The following SPAG9 variants were observed in gnomAD, a reference collection of about 807,000 sequenced individuals.
SPAG9 encodes C-Jun-amino-terminal kinase-interacting protein 4.
Under a neutral mutation model 166.5 loss-of-function variants are expected in SPAG9, and 35 were observed. The observed-to-expected ratio is 0.21, with a 90% CI of 0.16 to 0.28. The LOEUF (loss-of-function observed/expected upper bound fraction) is 0.28, where lower values mean the gene tolerates loss of function less well. Among genes scored for constraint, SPAG9 ranks in the 10% least tolerant of loss-of-function variants. The probability of loss-of-function intolerance (pLI) is 1.00; values close to 1 mark genes in which losing one functional copy is unlikely to be tolerated. For missense variants in SPAG9, 1,235 were observed against 1,603.3 expected (o/e 0.77, Z 3.92); for synonymous variants, 534 against 565.5 (o/e 0.94, Z 0.79).
chr17:51,077,699 G>A (rs2048056445), intron 2 of SPAG9, among the ~76,000 whole-genome samples: 1 of 151,178 alleles, frequency 6.6e-6, no homozygotes, highest in Non-Finnish European at 1.5e-5. Flanking sequence ...TACCCAGCCT[G>A]GAGTGTAGTG....
intron 29 of SPAG9, among the ~76,000 whole-genome samples, chr17:50,966,654 C>T (rs1049827516): frequency 6.6e-6 from 1 of 152,138 alleles, no homozygotes. Context: ...AAAAAGCCAC[C>T]CCAACATGTC....
chr17:51,067,918 A>C (rs545917097), intron 2 of SPAG9, among the ~76,000 whole-genome samples: 2 of 152,244 alleles, frequency 1.3e-5, no homozygotes, highest in African/African-American at 2.4e-5. Flanking sequence ...TGCCGGCTCA[A>C]AATCAGAGCT....
chr17:51,007,162 G>A (rs542948720), intron 10 of SPAG9, 107 bp downstream of exon 10: 2 of 589,430 alleles, frequency 3.4e-6, no homozygotes, highest in Non-Finnish European at 5.9e-6. Flanking sequence ...TGGGGAACGA[G>A]ATGGGACAGG....
rs1283315276 is a variant in SPAG9 at position 50,966,241 on chromosome 17, G to A, written c.*31C>T. 1 of 1,285,882 alleles carries A rather than the reference G, an allele frequency of 7.8e-7. No individual in the cohort carries two copies. Among genetic ancestry groups the A allele is most frequent in the Admixed American group, 1.7e-5 (1 of 59,602 alleles). The allele number at this position is 1,285,882 out of a possible 1,614,324, so 79.7% of individuals were successfully genotyped here. A position where few individuals can be genotyped will look rare whatever the true frequency, so the allele number is the denominator to read the frequency against. On this transcript the variant is annotated 3_prime_UTR_variant, in exon 30 of 30. Transcript: ENST00000262013. ...GAAAATAAACCATGCAGAAGAGACG[G>A]CTTCCCCATCTCCACCTGTTTCCCA...
At chr17:50,974,739 A>T in intron 28 of SPAG9, 32 bp downstream of exon 28, 19 of 1,549,178 alleles carry the variant, frequency 1.2e-5, no homozygotes, top group Non-Finnish European at 1.7e-5. Context: ...AGACAATTAC[A>T]TGGAACATCT....
rs140651861 is a variant in SPAG9, at chr17:51,007,271, G to A, written c.1269C>T (p.Thr423=). 4.2e-5 allele frequency: 65 copies of A among 1,553,130 alleles called. No homozygotes were observed. The highest frequency in any genetic ancestry group is 5.4e-5 in the Non-Finnish European group (61 of 1,136,662). Residue 423 remains threonine (T), a splice_region_variant and synonymous_variant, in exon 10 of 30, where the codon ACC becomes ACT. Coordinates refer to ENST00000262013, the MANE Select transcript of SPAG9 (RefSeq NM_001130528.3). ...LILENTQLLE[T]KNALNIVKND... ...GTTAAAATTTCACATATACTTACTT[G>A]GTTTCCAACAGTTGTGTATTTTCTA...
At chr17:51,015,304 G>A (rs2045650932) in intron 8 of SPAG9, among the ~76,000 whole-genome samples, 1 of 152,070 alleles carries the variant, frequency 6.6e-6, no homozygotes. Flanking sequence ...GGGAGGGCAT[G>A]CAGGGAGGAA....
At chr17:50,981,443 T>C (rs1049244794) in intron 25 of SPAG9, among the ~76,000 whole-genome samples, 4 of 150,436 alleles carry the variant, frequency 2.7e-5, no homozygotes, top group African/African-American at 1.0e-4. Flanking sequence ...GACAGCCAGA[T>C]AGCTAGCTAA....
rs964769879 is a variant in SPAG9 at position 51,113,294 on chromosome 17, A to G, written c.303+7060T>C. Among the ~76,000 whole-genome samples the G allele has an allele frequency of 2.0e-5, 3 of 149,364 alleles. No individual in the cohort carries two copies. In the Admixed American group the frequency reaches 2.0e-4, roughly 10 times the overall value. On this transcript the variant is annotated intron_variant, in intron 1 of 29. Coordinates refer to ENST00000262013, the MANE Select transcript of SPAG9 (RefSeq NM_001130528.3). Reference sequence around the variant, plus strand: ...TTTGTATCTGGGAGGCGGAGGTTGCAGTGAGCTGAGATCGCACCATTGCGC... The same window carrying G: ...TTTGTATCTGGGAGGCGGAGGTTGCGGTGAGCTGAGATCGCACCATTGCGC...
chr17:51,014,357 T>C lies in SPAG9; in HGVS notation c.1092-4A>G, dbSNP rs1567999357. ...CTCTATGCCTTTGGTGGGAGTGCTA[T>C]GCAACAAGAACAACAAAACCAAATC... On this transcript the variant is annotated splice_region_variant and splice_polypyrimidine_tract_variant and intron_variant, in intron 8 of 29. Coordinates refer to ENST00000262013, the MANE Select transcript of SPAG9 (RefSeq NM_001130528.3). The C allele has an allele frequency of 1.2e-6, 2 of 1,606,058 alleles. No homozygotes were observed. Among genetic ancestry groups the C allele is most frequent in the African/African-American group, 1.3e-5 (1 of 74,634 alleles).
At chr17:51,114,675 AGT>A (rs1335496579) in intron 1 of SPAG9, among the ~76,000 whole-genome samples, 1 of 150,806 alleles carries the variant, frequency 6.6e-6, no homozygotes, top group Admixed American at 6.6e-5. Flanking sequence ...GTGTGGGCCA[AGT>A]GTGGTGGCTC....
At position 50,977,232 on chromosome 17, in the gene SPAG9, A is replaced by C; in HGVS notation, c.3410-11T>G. ...CCAGTTTTCCAGTACCTGTAAAGAA[A>C]GGAGGGAACACGTTATTGAGAAACT... On this transcript the variant is annotated splice_polypyrimidine_tract_variant and intron_variant, in intron 26 of 29. Transcript: ENST00000262013. 2.7e-6 allele frequency: 4 copies of C among 1,500,966 alleles called. No homozygotes were observed. Among genetic ancestry groups the C allele is most frequent in the East Asian group, 2.3e-5 (1 of 44,282 alleles). 93.0% of individuals were successfully genotyped at this position (1,500,966 alleles called of 1,614,324 possible). A position where few individuals can be genotyped will look rare whatever the true frequency, so the allele number is the denominator to read the frequency against.
chr17:51,000,561 C>A (rs1179865197), intron 13 of SPAG9, among the ~76,000 whole-genome samples: 1 of 151,988 alleles, frequency 6.6e-6, no homozygotes, highest in Non-Finnish European at 1.5e-5. Flanking sequence ...TGGTGAAACC[C>A]TGTCTCTACT....
Position 50,979,832 on chromosome 17 carries a change from A to G in SPAG9, c.3323T>C (p.Leu1108Ser). ...VGDGVWVSIR[L>S]DSTLRLYHAH... ...ATGATAGAGACGGAGCGTAGAATCC[A>G]AGCGAATGGAGACCCACACGCCATC... The change falls in exon 26 of 30, where the codon TTG becomes TCG. Residue 1108 changes from leucine to serine, a missense_variant. Coordinates refer to ENST00000262013, the MANE Select transcript of SPAG9 (RefSeq NM_001130528.3). 6.2e-7 allele frequency: 1 copy of G among 1,614,210 alleles called. No individual in the cohort carries two copies. The highest frequency in any genetic ancestry group is 8.5e-7 in the Non-Finnish European group (1 of 1,180,026).
intron 1 of SPAG9, among the ~76,000 whole-genome samples, chr17:51,096,046 T>C (rs1029378578): frequency 2.1e-5 from 3 of 144,724 alleles, no homozygotes; most frequent in East Asian, 4.0e-4. Context: ...GTGATATATA[T>C]ATATAGTGAT....
intron 2 of SPAG9, among the ~76,000 whole-genome samples, chr17:51,060,490 G>A (rs910235280): frequency 6.9e-6 from 1 of 145,886 alleles, no homozygotes; most frequent in South Asian, 2.2e-4. Context: ...GTGACAGAGC[G>A]GGACTTTGTC....
At chr17:51,034,126 C>T (rs1311215201) in intron 5 of SPAG9, among the ~76,000 whole-genome samples, 1 of 152,084 alleles carries the variant, frequency 6.6e-6, no homozygotes, top group African/African-American at 2.4e-5. Flanking sequence ...AGCTTATAAG[C>T]AAAAATTGAG....
chr17:51,007,275 TC>T lies in SPAG9; in HGVS notation c.1264del (p.Glu422LysfsTer6). Reference protein sequence around the residue: ...NLILENTQLLETKNALNIVKN... With the variant: ...NLILENTQLLXTKNALNIVKN... ...AAATTTCACATATACTTACTTGGTT[TC>T]CAACAGTTGTGTATTTTCTAATATA... On this transcript the variant is annotated frameshift_variant, in exon 10 of 30. Coordinates refer to ENST00000262013, the MANE Select transcript of SPAG9 (RefSeq NM_001130528.3). LOFTEE classifies it high-confidence loss of function. 6.4e-7 allele frequency: 1 copy of T among 1,569,086 alleles called. No individual in the cohort carries two copies. The highest frequency in any genetic ancestry group is 8.7e-7 in the Non-Finnish European group (1 of 1,149,860).
chr17:51,081,553 G>A (rs1187681278), intron 1 of SPAG9, among the ~76,000 whole-genome samples: 1 of 152,032 alleles, frequency 6.6e-6, no homozygotes, highest in East Asian at 1.9e-4. Flanking sequence ...AGACCAGCCT[G>A]ACCAACATGG....
Sources: allele counts gnomAD v4.1 joint callset (sites outside exome capture counted in the v4.1 genomes callset), GRCh38; gene constraint gnomAD v4.1.1; transcripts MANE v1.5; gene names NCBI Gene and HGNC (gene_info 2026-07-23, HGNC 2026-07-21).